CLEC16A: variants seen among roughly 807,000 people sequenced by gnomAD.
CLEC16A encodes the protein protein CLEC16A.
A neutral mutation model predicts 109.5 loss-of-function variants in CLEC16A; 51 were observed. That is an observed-to-expected ratio of 0.47 (90% CI 0.37 to 0.59). The LOEUF is 0.59. Ranked by LOEUF, CLEC16A falls within the 20% of genes least tolerant of loss-of-function variation. The pLI is 0.00. For missense variants in CLEC16A, 1,339 were observed against 1,394.0 expected (o/e 0.96, Z 0.63); for synonymous variants, 673 against 564.2 (o/e 1.19, Z -2.73).
rs369830792 is a variant in CLEC16A, at chr16:10,962,452, C to T, written c.210-3C>T. 9.9e-6 allele frequency: 16 copies of T among 1,613,832 alleles called. No homozygotes were observed. Among genetic ancestry groups the T allele is most frequent in the Middle Eastern group, 1.6e-4 (1 of 6,084 alleles). On this transcript the variant is annotated splice_region_variant and splice_polypyrimidine_tract_variant and intron_variant, in intron 2 of 23. Transcript: ENST00000409790. ...CACTGATGCTTTTCCATTCTCTCCCCAGCTTCTTCCTGGAGAAGAATATGT... is the reference window on the plus strand; with the variant it reads ...CACTGATGCTTTTCCATTCTCTCCCTAGCTTCTTCCTGGAGAAGAATATGT...
At chr16:11,032,203 C>A (rs936897745) in intron 13 of CLEC16A, among the ~76,000 whole-genome samples, 1 of 152,212 alleles carries the variant, frequency 6.6e-6, no homozygotes, top group Non-Finnish European at 1.5e-5. Context: ...CAGATCACTG[C>A]CCGTTCCCTA....
At chr16:10,972,062 G>A (rs1376737677) in intron 5 of CLEC16A, among the ~76,000 whole-genome samples, 5 of 152,174 alleles carry the variant, frequency 3.3e-5, no homozygotes, top group East Asian at 1.9e-4. Flanking sequence ...CCCAGGGGTC[G>A]CAAACTGAGG....
intron 5 of CLEC16A, chr16:10,971,520 A>G (rs969070327): frequency 1.0e-6 from 1 of 982,814 alleles, no homozygotes; most frequent in African/African-American, 1.7e-5. Context: ...AGAATTTGAG[A>G]AAGCAAAGTT....
At chr16:11,175,919 AC>A (rs1287079235) in intron 23 of CLEC16A, among the ~76,000 whole-genome samples, 4 of 152,270 alleles carry the variant, frequency 2.6e-5, no homozygotes, top group Admixed American at 2.6e-4. Flanking sequence ...GAAAACACTT[AC>A]ATCGAAATTT....
chr16:11,077,043 T>G (rs1302985572), intron 19 of CLEC16A, among the ~76,000 whole-genome samples: 1 of 152,208 alleles, frequency 6.6e-6, no homozygotes, highest in Non-Finnish European at 1.5e-5. Context: ...CATTAGAATC[T>G]ATTTAAAAAC....
rs534440451 is a variant in CLEC16A, at chr16:11,154,801, C to T, written c.2642-11587C>T. Among the ~76,000 whole-genome samples the T allele has an allele frequency of 2.5e-3, 383 of 152,136 alleles. 1 individual carries two copies. The highest frequency in any genetic ancestry group is 8.9e-3 in the African/African-American group (370 of 41,500). ...AATTAGACAGGTGTGGTGGCAGTTG[C>T]CTATAATCCCAGCTACTTGGGAGGC... is the stretch of plus-strand genomic sequence containing the variant. On this transcript the variant is annotated intron_variant, in intron 22 of 23. Transcript: ENST00000409790.
rs117819818 is a variant in CLEC16A at position 11,137,104 on chromosome 16, G to C, written c.2641+10958G>C. Among the ~76,000 whole-genome samples the C allele has an allele frequency of 1.6e-4, 25 of 152,304 alleles. 1 individual carries two copies. In the East Asian group the frequency reaches 4.2e-3, roughly 26 times the overall value. On this transcript the variant is annotated intron_variant, in intron 22 of 23. Transcript: ENST00000409790. ...GAGTACAGAAGTCATCAGAGAGCAT[G>C]ACTTGCATCTGTGTCTCAAGTCTGT...
In CLEC16A at chr16:11,166,370, T is replaced by C. The variant is rs1293743858; in HGVS notation, c.2642-18T>C. The C allele has an allele frequency of 1.3e-6, 2 of 1,585,452 alleles. No individual in the cohort carries two copies. Among genetic ancestry groups the C allele is most frequent in the Admixed American group, 1.7e-5 (1 of 58,898 alleles). On this transcript the variant is annotated intron_variant, in intron 22 of 23. Transcript: ENST00000409790. Reference sequence around the variant, plus strand: ...TACTCTTTGCTTCCACTTGGTCACCTGGTACTTTGTCTTGCAGGCTTCGCC... The same window carrying C: ...TACTCTTTGCTTCCACTTGGTCACCCGGTACTTTGTCTTGCAGGCTTCGCC...
At chr16:11,073,813 G>T (rs1465780389) in intron 19 of CLEC16A, among the ~76,000 whole-genome samples, 1 of 152,232 alleles carries the variant, frequency 6.6e-6, no homozygotes, top group Admixed American at 6.5e-5. Context: ...GACACTCAAG[G>T]CTTCTTGGAT....
At chr16:11,167,583 C>G (rs2068324793) in intron 23 of CLEC16A, among the ~76,000 whole-genome samples, 1 of 152,194 alleles carries the variant, frequency 6.6e-6, no homozygotes, top group African/African-American at 2.4e-5. Context: ...TTGGGCACTT[C>G]CAGCTTTTGC....
intron 1 of CLEC16A, among the ~76,000 whole-genome samples, chr16:10,945,617 G>C (rs906068395): frequency 4.6e-5 from 7 of 152,168 alleles, no homozygotes; most frequent in African/African-American, 1.7e-4. Flanking sequence ...TCACCTCTCT[G>C]AGCCTCCAGA....
At chr16:11,019,985 G>A (rs1300930018) in intron 11 of CLEC16A, among the ~76,000 whole-genome samples, 2 of 152,192 alleles carry the variant, frequency 1.3e-5, no homozygotes, top group Admixed American at 1.3e-4. Flanking sequence ...ACGTTTCTTG[G>A]TGTTGCTGTG....
chr16:11,043,969 C>T (rs940131484), intron 15 of CLEC16A, 59 bp from the exon 16 acceptor site: 35 of 1,402,994 alleles, frequency 2.5e-5, no homozygotes, highest in Non-Finnish European at 3.3e-5. Flanking sequence ...TCGTAGTTTG[C>T]CCGACTTGCT....
At chr16:11,004,544 A>G (rs2044873800) in intron 11 of CLEC16A, among the ~76,000 whole-genome samples, 1 of 152,110 alleles carries the variant, frequency 6.6e-6, no homozygotes, top group African/African-American at 2.4e-5. Flanking sequence ...CCTGTCAGCA[A>G]GGACTGCGTG....
intron 18 of CLEC16A, among the ~76,000 whole-genome samples, chr16:11,060,512 G>C (rs911992813): frequency 2.6e-5 from 4 of 152,220 alleles, no homozygotes; most frequent in African/African-American, 9.6e-5. Flanking sequence ...TCTAGCCCTT[G>C]CTGGAAGCAT....
intron 18 of CLEC16A, among the ~76,000 whole-genome samples, chr16:11,053,484 C>A (rs1032403001): frequency 5.3e-5 from 8 of 152,086 alleles, no homozygotes; most frequent in Non-Finnish European, 1.2e-4. Context: ...AATCCTCCCA[C>A]CTCAGCCTCC....
chr16:11,039,638 A>G (rs776181159), intron 13 of CLEC16A, 116 bp from the exon 14 acceptor site: 6 of 1,194,944 alleles, frequency 5.0e-6, no homozygotes, highest in Non-Finnish European at 5.7e-6. Flanking sequence ...AAAAGAAATC[A>G]CCAAGAGGGA....
intron 19 of CLEC16A, among the ~76,000 whole-genome samples, chr16:11,068,221 G>T (rs1393427312): frequency 6.6e-6 from 1 of 152,178 alleles, no homozygotes; most frequent in African/African-American, 2.4e-5. Flanking sequence ...ACTTTGCAGG[G>T]TTATTGTAAG....
intron 19 of CLEC16A, among the ~76,000 whole-genome samples, chr16:11,105,856 C>G (rs545719942): frequency 1.3e-5 from 2 of 152,324 alleles, no homozygotes; most frequent in Admixed American, 1.3e-4. Context: ...CCACCTCTAT[C>G]TGTAAAGTGA....
Sources: allele counts gnomAD v4.1 joint callset (sites outside exome capture counted in the v4.1 genomes callset), GRCh38; gene constraint gnomAD v4.1.1; transcripts MANE v1.5; gene names NCBI Gene and HGNC (gene_info 2026-07-23, HGNC 2026-07-21).